Variants in SEMA3A observed in about 807,000 individuals in gnomAD.
The protein encoded by SEMA3A is semaphorin 3A, also known as semaphorin-3A.
In SEMA3A, 29 loss-of-function variants were observed where a neutral mutation model predicts 97.9. That is an observed-to-expected ratio of 0.30 (90% CI 0.22 to 0.40). The LOEUF is 0.40. Ranked by LOEUF, SEMA3A falls within the 10% of genes least tolerant of loss-of-function variation. The pLI, the probability that SEMA3A is intolerant of heterozygous loss-of-function variation, is 1.00. For synonymous variants in SEMA3A, 321 were observed against 323.7 expected, an observed-to-expected ratio of 0.99 and a Z score of 0.09; for missense variants, 763 against 951.3, an observed-to-expected ratio of 0.80 and a Z score of 2.60.
chr7:84,100,249 A>T (rs1368284190), intron 4 of SEMA3A, among the ~76,000 whole-genome samples: 1 of 152,048 alleles, frequency 6.6e-6, no homozygotes. Flanking sequence ...GTATTTCTGA[A>T]GTGTAAATCC....
chr7:84,056,604 C>T (rs1414905889), intron 5 of SEMA3A, among the ~76,000 whole-genome samples: 1 of 151,926 alleles, frequency 6.6e-6, no homozygotes. Context: ...AAAATACCCC[C>T]TCTATCACAC....
intron 1 of SEMA3A, among the ~76,000 whole-genome samples, chr7:84,456,209 C>T (rs933650535): frequency 1.3e-5 from 2 of 151,768 alleles, no homozygotes; most frequent in African/African-American, 2.4e-5. Context: ...ATCCTCTGTG[C>T]TTATAAAGAA....
intron 4 of SEMA3A, among the ~76,000 whole-genome samples, chr7:84,075,243 G>A (rs1054989841): frequency 3.4e-5 from 5 of 148,390 alleles, no homozygotes; most frequent in Middle Eastern, 7.1e-3. Context: ...GTGTGATCTC[G>A]GCTCACTGTA....
intron 1 of SEMA3A, among the ~76,000 whole-genome samples, chr7:84,160,564 A>G (rs1258749745): frequency 6.6e-6 from 1 of 151,282 alleles, no homozygotes; most frequent in Non-Finnish European, 1.5e-5. Flanking sequence ...AAAGAAATAA[A>G]TAAAAACAAA....
At chr7:84,037,827 AATAAGAAAGTACC>A (rs1791995829) in intron 6 of SEMA3A, among the ~76,000 whole-genome samples, 1 of 152,070 alleles carries the variant, frequency 6.6e-6, no homozygotes, top group South Asian at 2.1e-4. Context: ...TGTATATGAT[AATAAGAAAGTACC>A]ATAGGAAACT....
chr7:84,204,564 A>G (rs1183925571), intron 3 of SEMA3A, among the ~76,000 whole-genome samples: 1 of 152,170 alleles, frequency 6.6e-6, no homozygotes, highest in Non-Finnish European at 1.5e-5. Flanking sequence ...GAGAAACAGG[A>G]GGCAACTTCT....
intron 5 of SEMA3A, among the ~76,000 whole-genome samples, chr7:84,051,571 A>G (rs1792655704): frequency 1.3e-5 from 2 of 152,258 alleles, no homozygotes; most frequent in African/African-American, 4.8e-5. Context: ...GTATCCTGAG[A>G]CTTTGCTGAA....
chr7:83,995,492 A>C, intron 12 of SEMA3A, among the ~76,000 whole-genome samples: 1 of 152,214 alleles, frequency 6.6e-6, no homozygotes, highest in Non-Finnish European at 1.5e-5. Context: ...AGACCAGGAA[A>C]TTAATAACAG....
intron 1 of SEMA3A, among the ~76,000 whole-genome samples, chr7:84,452,231 A>T (rs1246221463): frequency 6.6e-6 from 1 of 152,144 alleles, no homozygotes; most frequent in East Asian, 1.9e-4. Flanking sequence ...ATATACTCAA[A>T]AGTTATTATT....
At chr7:84,061,546 G>A (rs529278651) in intron 4 of SEMA3A, among the ~76,000 whole-genome samples, 1 of 152,210 alleles carries the variant, frequency 6.6e-6, no homozygotes, top group East Asian at 1.9e-4. Flanking sequence ...TCCACAGACT[G>A]AAATAAAATA....
At chr7:84,127,353 C>A (rs2116011764) in intron 3 of SEMA3A, among the ~76,000 whole-genome samples, 1 of 152,124 alleles carries the variant, frequency 6.6e-6, no homozygotes, top group African/African-American at 2.4e-5. Flanking sequence ...CCACAATTCC[C>A]ATTACTCCGA....
intron 1 of SEMA3A, among the ~76,000 whole-genome samples, chr7:84,441,806 C>T (rs1245047540): frequency 6.6e-6 from 1 of 152,088 alleles, no homozygotes; most frequent in Non-Finnish European, 1.5e-5. Context: ...ACTGGTCCTA[C>T]ACAAGACATC....
At chr7:84,415,629 T>C (rs1470730372) in intron 1 of SEMA3A, among the ~76,000 whole-genome samples, 1 of 152,126 alleles carries the variant, frequency 6.6e-6, no homozygotes, top group East Asian at 1.9e-4. Context: ...GAGGTGTTAA[T>C]TTGCTAATCT....
At chr7:83,975,654 T>G (rs1487948887) in intron 15 of SEMA3A, among the ~76,000 whole-genome samples, 1 of 152,288 alleles carries the variant, frequency 6.6e-6, no homozygotes, top group South Asian at 2.1e-4. Context: ...AAATAATGTT[T>G]CATTTTGATA....
chr7:84,135,203 C>T (rs1277928658), intron 1 of SEMA3A, among the ~76,000 whole-genome samples: 1 of 151,172 alleles, frequency 6.6e-6, no homozygotes. Context: ...CACAACCTCC[C>T]GAGTTCAAGC....
intron 1 of SEMA3A, among the ~76,000 whole-genome samples, chr7:84,452,313 T>A (rs1483188693): frequency 6.6e-6 from 1 of 152,158 alleles, no homozygotes; most frequent in Non-Finnish European, 1.5e-5. Flanking sequence ...TACTTAGATG[T>A]TATTTTGGAT....
At chr7:84,328,548 G>T (rs1023574995) in intron 2 of SEMA3A, among the ~76,000 whole-genome samples, 3 of 151,966 alleles carry the variant, frequency 2.0e-5, no homozygotes, top group African/African-American at 7.2e-5. Context: ...TAAAATATTT[G>T]AAAGCTTCTC....
At chr7:84,061,427 A>G (rs2527041) in intron 4 of SEMA3A, among the ~76,000 whole-genome samples, 29,665 of 152,136 alleles carry the variant, frequency 0.19, 2,913 homozygotes, top group South Asian at 0.26. Context: ...TCTATATGTG[A>G]CAGTGGAGTA....
intron 2 of SEMA3A, among the ~76,000 whole-genome samples, chr7:84,308,097 GA>G (rs375816703): frequency 1.0e-3 from 159 of 151,904 alleles, no homozygotes; most frequent in African/African-American, 3.4e-3. Flanking sequence ...TTAAAGTAAA[GA>G]AAAAAAGATA....
Sources: gnomAD v4.1 joint callset for allele counts (sites outside exome capture counted in the v4.1 genomes callset) on GRCh38, gnomAD v4.1.1 for gene constraint, MANE v1.5 for transcripts, NCBI Gene and HGNC (gene_info 2026-07-23, HGNC 2026-07-21) for gene names.